Variants in DPP6 observed in about 807,000 individuals in gnomAD.
DPP6 encodes dipeptidyl peptidase like 6.
A neutral mutation model predicts 122.6 loss-of-function variants in DPP6; 69 were observed. The ratio of observed to expected loss-of-function variants is 0.56; its 90% confidence interval spans 0.46 to 0.69. DPP6 has a LOEUF of 0.69. Ranked by LOEUF, DPP6 falls within the 30% of genes least tolerant of loss-of-function variation. DPP6 has a pLI of 0.00. For synonymous variants in DPP6, 418 were observed against 433.1 expected, an observed-to-expected ratio of 0.97 and a Z score of 0.43; for missense variants, 928 against 1,116.9, an observed-to-expected ratio of 0.83 and a Z score of 2.41.
the DPP6 span, among the ~76,000 whole-genome samples, chr7:153,813,170 TC>T: frequency 6.8e-6 from 1 of 147,546 alleles, no homozygotes; most frequent in Non-Finnish European, 1.5e-5. Flanking sequence ...CCCTCCCCCT[TC>T]CCCCATCCCC....
chr7:154,853,014 G>A (rs559631681), intron 16 of DPP6, among the ~76,000 whole-genome samples: 26 of 152,360 alleles, frequency 1.7e-4, no homozygotes, highest in African/African-American at 4.8e-4. Flanking sequence ...AGCTGGAGCC[G>A]GTGAGTGCAG....
intron 4 of DPP6, among the ~76,000 whole-genome samples, chr7:154,552,895 G>A (rs997800791): frequency 2.6e-5 from 4 of 152,172 alleles, no homozygotes; most frequent in Non-Finnish European, 5.9e-5. Context: ...TCTTGATTCA[G>A]AAACAGATCA....
the DPP6 span, among the ~76,000 whole-genome samples, chr7:153,864,921 C>G: frequency 2.0e-5 from 3 of 152,028 alleles, no homozygotes; most frequent in African/African-American, 7.2e-5. Context: ...GTGAAAAGAG[C>G]CCAGGGAGAA....
At chr7:153,879,919 C>T in the DPP6 span, among the ~76,000 whole-genome samples, 101 of 152,212 alleles carry the variant, frequency 6.6e-4, 1 homozygote, top group African/African-American at 2.4e-3. Flanking sequence ...CCAAAAGTCC[C>T]CGCTATGTTG....
rs1220172221 is a variant in DPP6, at chr7:154,486,826, G to A, written c.457+11789G>A. Among the ~76,000 whole-genome samples, 1 of 152,174 alleles carries A rather than the reference G, an allele frequency of 6.6e-6. No homozygotes were observed. The highest frequency in any genetic ancestry group is 1.5e-5 in the Non-Finnish European group (1 of 68,044). On this transcript the variant is annotated intron_variant, in intron 3 of 25. Transcript: ENST00000377770. The surrounding 1 kb of genome is among the most constrained non-coding windows in gnomAD (Gnocchi z 4.5). The stretch of plus-strand genomic sequence containing the variant: ...CTGGTCCCTTCCAGAGGTGCTGTAG[G>A]TCCTCTGCCTGTAGGTCCTCTGGGC...
At chr7:154,307,551 G>C (rs1806461524) in intron 1 of DPP6, among the ~76,000 whole-genome samples, 1 of 152,096 alleles carries the variant, frequency 6.6e-6, no homozygotes, top group Admixed American at 6.5e-5. Context: ...GATGGGACAG[G>C]GGGTGAAGAC....
At chr7:153,922,971 C>T (rs2129009315) in intron 1 of DPP6, among the ~76,000 whole-genome samples, 1 of 152,348 alleles carries the variant, frequency 6.6e-6, no homozygotes, top group Non-Finnish European at 1.5e-5. Context: ...TGGGTTGGGA[C>T]TCTTTGATCA....
At chr7:153,978,255 G>A (rs533012266) in intron 1 of DPP6, among the ~76,000 whole-genome samples, 1 of 152,330 alleles carries the variant, frequency 6.6e-6, no homozygotes, top group South Asian at 2.1e-4. Context: ...TTTAACTGGT[G>A]TGAGATGGTA....
intron 1 of DPP6, among the ~76,000 whole-genome samples, chr7:154,147,683 TGTATATAC>T (rs1288798420): frequency 1.4e-5 from 2 of 142,664 alleles, no homozygotes; most frequent in African/African-American, 5.9e-5. Flanking sequence ...TGTGTATATA[TGTATATAC>T]ACACACAAAC....
chr7:154,355,707 C>T (rs190208239), intron 1 of DPP6, among the ~76,000 whole-genome samples: 105 of 152,248 alleles, frequency 6.9e-4, no homozygotes, highest in Middle Eastern at 6.8e-3. Flanking sequence ...ATCTGTTCCC[C>T]TGGTTTGTTT....
chr7:154,119,540 A>G (rs1456430970), intron 1 of DPP6, among the ~76,000 whole-genome samples: 4 of 151,546 alleles, frequency 2.6e-5, no homozygotes, highest in Non-Finnish European at 1.5e-5. Flanking sequence ...GGCTGGTGTC[A>G]TCTCAACAAT....
At chr7:154,267,455 G>A (rs1183203117) in intron 1 of DPP6, among the ~76,000 whole-genome samples, 1 of 147,014 alleles carries the variant, frequency 6.8e-6, no homozygotes, top group Admixed American at 6.9e-5. Flanking sequence ...TATAATGTGT[G>A]TATATATTTA....
At chr7:153,968,365 A>G (rs1295099937) in intron 1 of DPP6, among the ~76,000 whole-genome samples, 17 of 152,018 alleles carry the variant, frequency 1.1e-4, no homozygotes, top group South Asian at 4.1e-4. Context: ...CTTTTGAGAC[A>G]TGTCTGTTCA....
At chr7:153,767,584 A>G in the DPP6 span, among the ~76,000 whole-genome samples, 1 of 143,012 alleles carries the variant, frequency 7.0e-6, no homozygotes, top group Non-Finnish European at 1.5e-5. Context: ...TCACCGTGTT[A>G]GCCAGGCTGG....
At chr7:154,008,725 G>A (rs1390543307) in intron 1 of DPP6, among the ~76,000 whole-genome samples, 6 of 144,138 alleles carry the variant, frequency 4.2e-5, no homozygotes, top group African/African-American at 7.8e-5. Context: ...GCAGTGGCGC[G>A]ATCTCGGCTC....
chr7:154,717,456 A>G (rs1448648282), intron 7 of DPP6, among the ~76,000 whole-genome samples: 2 of 151,996 alleles, frequency 1.3e-5, no homozygotes, highest in Non-Finnish European at 2.9e-5. Context: ...CTATGAGAGC[A>G]ATGTTTTAGA....
chr7:154,220,892 C>T (rs1474622857), intron 1 of DPP6, among the ~76,000 whole-genome samples: 3 of 152,072 alleles, frequency 2.0e-5, no homozygotes, highest in African/African-American at 4.8e-5. Context: ...GTTCCAGGGG[C>T]CCTTCTGTGA....
upstream of DPP6, among the ~76,000 whole-genome samples, chr7:153,882,971 C>T (rs931385894): frequency 1.3e-5 from 2 of 152,122 alleles, no homozygotes; most frequent in East Asian, 1.9e-4. Flanking sequence ...CGGTGAGAAT[C>T]GTAAGATAAA....
At chr7:154,842,923 C>T (rs1425068456) in intron 16 of DPP6, among the ~76,000 whole-genome samples, 1 of 152,184 alleles carries the variant, frequency 6.6e-6, no homozygotes, top group Non-Finnish European at 1.5e-5. Flanking sequence ...ACGAGGCAGG[C>T]TTATTTATCA....
Sources: allele counts gnomAD v4.1 joint callset (sites outside exome capture counted in the v4.1 genomes callset), GRCh38; gene constraint gnomAD v4.1.1; non-coding constraint Gnocchi (gnomAD v3.1); transcripts MANE v1.5; gene names NCBI Gene and HGNC (gene_info 2026-07-23, HGNC 2026-07-21).